Variants in GAS7 observed in about 807,000 individuals in gnomAD.
GAS7 encodes the protein growth arrest specific 7.
A neutral mutation model predicts 71.1 loss-of-function variants in GAS7; 28 were observed. That is an observed-to-expected ratio of 0.39 (90% CI 0.29 to 0.54). The LOEUF (loss-of-function observed/expected upper bound fraction) is 0.54. Ranked by LOEUF, GAS7 falls within the 20% of genes least tolerant of loss-of-function variation. GAS7 has a pLI of 0.62. For missense variants in GAS7, 436 were observed against 627.8 expected (o/e 0.69, Z 3.27); for synonymous variants, 258 against 245.8 (o/e 1.05, Z -0.46).
At chr17:10,170,503 C>T (rs1320468964) in intron 1 of GAS7, among the ~76,000 whole-genome samples, 2 of 152,350 alleles carry the variant, frequency 1.3e-5, no homozygotes, top group Admixed American at 6.5e-5. Flanking sequence ...CAGCAATCCA[C>T]GTGCTTACTC....
rs568211807 is a variant in GAS7 at position 10,034,601 on chromosome 17, G to A, written c.184-14704C>T. On this transcript the variant is annotated intron_variant, in intron 1 of 13. Coordinates refer to ENST00000432992, the MANE Select transcript of GAS7 (RefSeq NM_201433.2). This position sits in a 1 kb window ranked among gnomAD's most constrained non-coding sequence, Gnocchi z 4.4. ...TGGGATTACAGGCGTGAGCCACTGC[G>A]CCCGGCCCAATAATTCTAAATGTCA... is the stretch of plus-strand genomic sequence containing the variant. Among the ~76,000 whole-genome samples the A allele has an allele frequency of 6.6e-6, 1 of 152,130 alleles. No homozygotes were observed. The highest frequency in any genetic ancestry group is 1.5e-5 in the Non-Finnish European group (1 of 68,024).
intron 1 of GAS7, among the ~76,000 whole-genome samples, chr17:10,025,354 C>T (rs2072426140): frequency 6.6e-6 from 1 of 151,978 alleles, no homozygotes; most frequent in South Asian, 2.1e-4. Context: ...GCTCCATTTC[C>T]TCACTGAGAC....
intron 3 of GAS7, among the ~76,000 whole-genome samples, chr17:9,972,626 A>AT (rs2070016903): frequency 8.4e-6 from 1 of 119,366 alleles, no homozygotes; most frequent in African/African-American, 2.9e-5. Flanking sequence ...AAGCCCTGGA[A>AT]CATGTAAAAA....
At chr17:9,978,133 G>A (rs953984329) in intron 3 of GAS7, among the ~76,000 whole-genome samples, 3 of 151,968 alleles carry the variant, frequency 2.0e-5, no homozygotes, top group Non-Finnish European at 2.9e-5. Flanking sequence ...AGAATCCCTC[G>A]AGCCCAGGAG....
At chr17:9,939,595 GAAGACAA>G (rs2068524223) in intron 8 of GAS7, among the ~76,000 whole-genome samples, 1 of 151,700 alleles carries the variant, frequency 6.6e-6, no homozygotes, top group Admixed American at 6.6e-5. Flanking sequence ...TCACTAAAGA[GAAGACAA>G]TGTGGAAGTG....
intron 2 of GAS7, among the ~76,000 whole-genome samples, chr17:9,982,824 G>GGAAAGAAAGAAAGAAAGAAA (rs56351503): frequency 9.4e-4 from 109 of 116,228 alleles, no homozygotes; most frequent in African/African-American, 2.6e-3. Flanking sequence ...AGGAAAGAAA[G>GGAAAGAAAGAAAGAAAGAAA]GAAAGAAAGA....
chr17:10,145,560 C>T (rs1210681996), intron 1 of GAS7, among the ~76,000 whole-genome samples: 1 of 152,220 alleles, frequency 6.6e-6, no homozygotes, highest in Non-Finnish European at 1.5e-5. Flanking sequence ...CTCAGGCCCC[C>T]CAGGACCAAG....
chr17:10,106,484 C>G (rs2073757395), intron 1 of GAS7, among the ~76,000 whole-genome samples: 1 of 152,254 alleles, frequency 6.6e-6, no homozygotes, highest in Admixed American at 6.5e-5. Context: ...GAAGAACACA[C>G]AGGTCCAGGC....
chr17:10,098,521 C>T (rs1230142148), intron 1 of GAS7, among the ~76,000 whole-genome samples: 1 of 152,202 alleles, frequency 6.6e-6, no homozygotes, highest in African/African-American at 2.4e-5. Context: ...TGGGTCAGAC[C>T]TTCTTGTCCC....
chr17:9,922,870 T>C (rs2067866723), intron 11 of GAS7, among the ~76,000 whole-genome samples: 1 of 152,156 alleles, frequency 6.6e-6, no homozygotes, highest in African/African-American at 2.4e-5. Context: ...AAAATAAATG[T>C]CTGGTGGGTT....
At chr17:10,081,150 C>T (rs1415633472) in intron 1 of GAS7, among the ~76,000 whole-genome samples, 4 of 152,180 alleles carry the variant, frequency 2.6e-5, no homozygotes, top group Non-Finnish European at 4.4e-5. Context: ...TATGACCTCA[C>T]CATAAGAGTT....
chr17:10,005,169 G>T (rs867547883), intron 2 of GAS7, among the ~76,000 whole-genome samples: 5 of 148,770 alleles, frequency 3.4e-5, no homozygotes, highest in Non-Finnish European at 7.4e-5. Context: ...GTGTGCGCAC[G>T]CATGCATGTA....
chr17:10,175,747 G>A (rs1203874728), intron 1 of GAS7, among the ~76,000 whole-genome samples: 2 of 152,200 alleles, frequency 1.3e-5, no homozygotes, highest in East Asian at 3.8e-4. Context: ...TGATCCTCCT[G>A]TCTTGGCCTC....
intron 3 of GAS7, among the ~76,000 whole-genome samples, chr17:9,979,140 G>A (rs971184062): frequency 7.2e-5 from 11 of 152,194 alleles, no homozygotes; most frequent in Non-Finnish European, 1.6e-4. Flanking sequence ...AAGCACAAAC[G>A]AACTGAGTTA....
chr17:9,941,533 A>C (rs117064501), intron 7 of GAS7, among the ~76,000 whole-genome samples: 1,603 of 152,306 alleles, frequency 0.011, 76 homozygotes, highest in Admixed American at 0.075. Flanking sequence ...TCTGAGCCTC[A>C]GCTCTCACCT....
In GAS7 at chr17:10,086,299, G is replaced by A. The variant is rs568212152; in HGVS notation, c.184-66402C>T. Among the ~76,000 whole-genome samples, 5 of 152,320 alleles carry A rather than the reference G, an allele frequency of 3.3e-5. No homozygotes were observed. The South Asian group carries it at 1.0e-3, about 32-fold the overall frequency. On this transcript the variant is annotated intron_variant, in intron 1 of 13. Coordinates refer to ENST00000432992, the MANE Select transcript of GAS7 (RefSeq NM_201433.2). Reference sequence around the variant, plus strand: ...GTGACTCATTTTTGGCAGTGCAGGAGTCCCGTCCACAGTCATTAGCTAATC... The same window carrying A: ...GTGACTCATTTTTGGCAGTGCAGGAATCCCGTCCACAGTCATTAGCTAATC...
chr17:10,172,637 C>A (rs768682150), intron 1 of GAS7, among the ~76,000 whole-genome samples: 2 of 152,390 alleles, frequency 1.3e-5, no homozygotes, highest in Non-Finnish European at 2.9e-5. Context: ...CTTAACCTCA[C>A]ATTCTGTGGC....
At chr17:9,940,342 T>C (rs2068558171) in intron 7 of GAS7, 142 bp from the exon 8 acceptor site, 7 of 705,860 alleles carry the variant, frequency 9.9e-6, no homozygotes, top group Non-Finnish European at 1.8e-5. Flanking sequence ...TCTGTCTACC[T>C]GACATGCAGT....
In GAS7 at chr17:9,912,851, C is replaced by T. The variant is rs139029605; in HGVS notation, c.*4377G>A. The T allele has an allele frequency of 1.7e-5, 4 of 232,580 alleles. No individual in the cohort carries two copies. The highest frequency in any genetic ancestry group is 1.8e-4 in the South Asian group (1 of 5,520). The allele number at this position is 232,580 out of a possible 1,614,324, so 14.4% of individuals were successfully genotyped here. A position where few individuals can be genotyped will look rare whatever the true frequency, so the allele number is the denominator to read the frequency against. Reference sequence around the variant, plus strand: ...GTAAAAATAAAGAAGCAGAGTAGTACGCCCATGCAATGAAATACTTCCCGG... The same window carrying T: ...GTAAAAATAAAGAAGCAGAGTAGTATGCCCATGCAATGAAATACTTCCCGG... On this transcript the variant is annotated 3_prime_UTR_variant, in exon 14 of 14. Coordinates refer to ENST00000432992, the MANE Select transcript of GAS7 (RefSeq NM_201433.2).
Sources: gnomAD v4.1 joint callset for allele counts (sites outside exome capture counted in the v4.1 genomes callset) on GRCh38, gnomAD v4.1.1 for gene constraint, Gnocchi (gnomAD v3.1) non-coding constraint, MANE v1.5 for transcripts, NCBI Gene and HGNC (gene_info 2026-07-23, HGNC 2026-07-21) for gene names.